ERBB4: variants seen among roughly 807,000 people sequenced by gnomAD.
ERBB4 encodes the protein receptor tyrosine-protein kinase erbB-4.
ERBB4 carries 42 observed loss-of-function variants against 158.0 expected under a neutral mutation model. The ratio of observed to expected loss-of-function variants is 0.27; its 90% CI spans 0.21 to 0.34. The LOEUF (loss-of-function observed/expected upper bound fraction) is 0.34. Ranked by LOEUF, ERBB4 falls within the 10% of genes least tolerant of loss-of-function variation. ERBB4 has a pLI of 1.00. For synonymous variants in ERBB4, 583 were observed against 558.7 expected (o/e 1.04, Z -0.61); for missense variants, 1,333 against 1,624.1 (o/e 0.82, Z 3.08).
rs1472100890 is a variant in ERBB4 at position 211,435,286 on chromosome 2, G to A, written c.2488-4186C>T. 7.9e-5 allele frequency among the ~76,000 whole-genome samples: 12 copies of A among 152,266 alleles called. No homozygotes were observed. In the South Asian group the frequency reaches 2.3e-3, roughly 29 times the overall value. On this transcript the variant is annotated intron_variant, in intron 20 of 27. Transcript: ENST00000342788. The stretch of plus-strand genomic sequence containing the variant: ...CGTCAGGCCAGCTTGAGTAAATTAG[G>A]AGAAGAATAATACTGACAGCAACCA...
rs1415954992 is a variant in ERBB4, at chr2:212,223,273, T to C, written c.83-98370A>G. On this transcript the variant is annotated intron_variant, in intron 1 of 27. Coordinates refer to ENST00000342788, the MANE Select transcript of ERBB4 (RefSeq NM_005235.3). ...GGCTTGTTTCTTAAATACAATACTG[T>C]TTCACAGCTCTATAGTTACCTTGCA... Among the ~76,000 whole-genome samples, 26 of 150,350 alleles carry C rather than the reference T, an allele frequency of 1.7e-4. 1 individual carries two copies. In the Admixed American group the frequency reaches 1.7e-3, roughly 10 times the overall value.
At chr2:212,516,193 TTA>T (rs1691832784) in intron 1 of ERBB4, among the ~76,000 whole-genome samples, 1 of 152,096 alleles carries the variant, frequency 6.6e-6, no homozygotes, top group African/African-American at 2.4e-5. Flanking sequence ...GTGCAAAATG[TTA>T]TTAGTACAAA....
chr2:212,085,517 C>T (rs1423169982), intron 2 of ERBB4, among the ~76,000 whole-genome samples: 1 of 151,860 alleles, frequency 6.6e-6, no homozygotes, highest in Non-Finnish European at 1.5e-5. Flanking sequence ...TATCTGGAGC[C>T]TGACACCTGA....
intron 7 of ERBB4, among the ~76,000 whole-genome samples, chr2:211,713,878 T>C (rs974099650): frequency 1.3e-5 from 2 of 152,202 alleles, no homozygotes; most frequent in Admixed American, 1.3e-4. Flanking sequence ...GCTCCACATA[T>C]TGAATTGCCC....
At chr2:211,910,505 A>G (rs2079515213) in intron 3 of ERBB4, among the ~76,000 whole-genome samples, 2 of 151,402 alleles carry the variant, frequency 1.3e-5, no homozygotes, top group Admixed American at 6.6e-5. Context: ...GTTCCCACTT[A>G]TAAGTGGGAG....
At chr2:211,571,041 C>CTTTTTTTTTTTTTTTTTTTTTTT (rs549254649) in intron 19 of ERBB4, among the ~76,000 whole-genome samples, 1 of 109,078 alleles carries the variant, frequency 9.2e-6, no homozygotes, top group African/African-American at 3.6e-5. Context: ...TACTCTTCTT[C>CTTTTTTTTTTTTTTTTTTTTTTT]TTTTTTTTTT....
intron 7 of ERBB4, among the ~76,000 whole-genome samples, chr2:211,718,741 A>T (rs1411475046): frequency 6.6e-6 from 1 of 152,038 alleles, no homozygotes; most frequent in South Asian, 2.1e-4. Flanking sequence ...AAAAAAAAAC[A>T]TGGTATACCA....
intron 1 of ERBB4, 39 bp downstream of exon 1, chr2:212,538,410 G>A (rs1394304722): frequency 2.5e-6 from 4 of 1,584,020 alleles, no homozygotes; most frequent in Non-Finnish European, 3.5e-6. Flanking sequence ...CCCGCCGGCG[G>A]CTGCAGGTTC....
At chr2:211,727,448 T>C (rs2074302668) in intron 5 of ERBB4, among the ~76,000 whole-genome samples, 2 of 152,100 alleles carry the variant, frequency 1.3e-5, no homozygotes, top group Non-Finnish European at 2.9e-5. Flanking sequence ...TGGTACTTAA[T>C]ACACAATATA....
intron 19 of ERBB4, among the ~76,000 whole-genome samples, chr2:211,562,934 G>C (rs865855305): frequency 7.9e-5 from 12 of 151,892 alleles, no homozygotes; most frequent in Middle Eastern, 3.4e-3. Context: ...ACTACGCCCG[G>C]CTAATGTTTT....
intron 2 of ERBB4, among the ~76,000 whole-genome samples, chr2:212,033,940 C>A (rs1180477384): frequency 6.6e-6 from 1 of 151,810 alleles, no homozygotes; most frequent in Non-Finnish European, 1.5e-5. Context: ...CAGGAAATCT[C>A]AATAAATCAT....
intron 1 of ERBB4, among the ~76,000 whole-genome samples, chr2:212,337,536 C>A (rs918107211): frequency 6.6e-6 from 1 of 152,096 alleles, no homozygotes; most frequent in Non-Finnish European, 1.5e-5. Flanking sequence ...GTCGATTACA[C>A]TTTAATGTGA....
rs183870304 is a variant in ERBB4, at chr2:212,437,926, C to T, written c.82+100523G>A. Among the ~76,000 whole-genome samples, 7 of 152,200 alleles carry T rather than the reference C, an allele frequency of 4.6e-5. No homozygotes were observed. In the South Asian group the frequency reaches 1.2e-3, roughly 27 times the overall value. ...AGCCACCCTGATATTTCATCACAAT[C>T]ACTCTCTGGTTCCTCACAGTACCTA... On this transcript the variant is annotated intron_variant, in intron 1 of 27. Coordinates refer to ENST00000342788, the MANE Select transcript of ERBB4 (RefSeq NM_005235.3).
intron 2 of ERBB4, among the ~76,000 whole-genome samples, chr2:212,093,049 T>C (rs2078826617): frequency 6.6e-6 from 1 of 152,202 alleles, no homozygotes; most frequent in Non-Finnish European, 1.5e-5. Context: ...TCAGTTTGCT[T>C]AACTACCAAA....
intron 20 of ERBB4, among the ~76,000 whole-genome samples, chr2:211,434,528 A>G (rs1335296434): frequency 1.3e-5 from 2 of 152,156 alleles, no homozygotes; most frequent in Non-Finnish European, 2.9e-5. Context: ...CTCCAAAACT[A>G]TGAGAAATAA....
At chr2:211,852,892 T>C (rs1249239275) in intron 3 of ERBB4, among the ~76,000 whole-genome samples, 1 of 151,968 alleles carries the variant, frequency 6.6e-6, no homozygotes, top group Admixed American at 6.6e-5. Flanking sequence ...CAGCTAGAAT[T>C]TACAGGTATG....
At chr2:211,458,066 A>T (rs761295557) in intron 20 of ERBB4, among the ~76,000 whole-genome samples, 3 of 127,866 alleles carry the variant, frequency 2.3e-5, no homozygotes, top group Non-Finnish European at 5.3e-5. Context: ...TGTGCTTTAT[A>T]AACTAAATTC....
At chr2:211,427,045 C>T (rs2063644115) in intron 22 of ERBB4, among the ~76,000 whole-genome samples, 1 of 152,010 alleles carries the variant, frequency 6.6e-6, no homozygotes, top group South Asian at 2.1e-4. Context: ...TATTTCTAAG[C>T]TGAGTAAAAT....
intron 1 of ERBB4, among the ~76,000 whole-genome samples, chr2:212,242,289 T>A (rs1574503076): frequency 6.6e-6 from 1 of 151,996 alleles, no homozygotes; most frequent in African/African-American, 2.4e-5. Context: ...TAGTTCCGAG[T>A]CCTAGTTATA....
Sources: allele counts gnomAD v4.1 joint callset (sites outside exome capture counted in the v4.1 genomes callset), GRCh38; gene constraint gnomAD v4.1.1; transcripts MANE v1.5; gene names NCBI Gene and HGNC (gene_info 2026-07-23, HGNC 2026-07-21).